CACNA1E: variants seen among roughly 807,000 people sequenced by gnomAD.
CACNA1E encodes the protein voltage-dependent R-type calcium channel subunit alpha-1E.
In CACNA1E, 40 loss-of-function variants were observed where a neutral mutation model predicts 259.2. That is an observed-to-expected ratio of 0.15 (90% CI 0.12 to 0.20). CACNA1E has a LOEUF of 0.20. Ranked by LOEUF, CACNA1E falls within the 10% of genes least tolerant of loss-of-function variation. The pLI, the probability that CACNA1E is intolerant of heterozygous loss-of-function variation, is 1.00. For synonymous variants in CACNA1E, 1,104 were observed against 1,138.5 expected, an observed-to-expected ratio of 0.97 and a Z score of 0.61; for missense variants, 1,874 against 3,040.1, an observed-to-expected ratio of 0.62 and a Z score of 9.02.
At chr1:181,742,350 T>C (rs1656659934) in intron 25 of CACNA1E, among the ~76,000 whole-genome samples, 1 of 152,158 alleles carries the variant, frequency 6.6e-6, no homozygotes, top group Non-Finnish European at 1.5e-5. Flanking sequence ...AAGCCAAATG[T>C]GGGGTTGTCT....
intron 20 of CACNA1E, 33 bp downstream of exon 20, chr1:181,733,067 C>T: frequency 6.5e-7 from 1 of 1,535,808 alleles, no homozygotes; most frequent in Middle Eastern, 1.7e-4. Flanking sequence ...AGATGGATGG[C>T]ACACAGGCTG....
At chr1:181,524,362 G>A (rs1012335317) in intron 3 of CACNA1E, among the ~76,000 whole-genome samples, 3 of 152,208 alleles carry the variant, frequency 2.0e-5, no homozygotes, top group African/African-American at 7.2e-5. Context: ...AAGGCAGCTG[G>A]GAACAATGTG....
chr1:181,752,051 C>T, intron 26 of CACNA1E, 92 bp from the exon 27 acceptor site: 1 of 924,386 alleles, frequency 1.1e-6, no homozygotes, highest in African/African-American at 1.6e-5. Context: ...CATCTCTCCC[C>T]TTTTAGCCTG....
intron 7 of CACNA1E, among the ~76,000 whole-genome samples, chr1:181,702,067 T>C (rs186289444): frequency 3.1e-4 from 47 of 152,282 alleles, no homozygotes; most frequent in Middle Eastern, 3.4e-3. Flanking sequence ...GAGAATTTGG[T>C]GCTATTGAGC....
chr1:181,438,266 G>A (rs919561958), intron 2 of CACNA1E, among the ~76,000 whole-genome samples: 108 of 152,270 alleles, frequency 7.1e-4, no homozygotes, highest in African/African-American at 2.6e-3. Context: ...AGGAGTTTTG[G>A]TCTCATAATG....
At chr1:181,554,278 G>C (rs1377359910) in intron 3 of CACNA1E, among the ~76,000 whole-genome samples, 1 of 152,150 alleles carries the variant, frequency 6.6e-6, no homozygotes, top group Admixed American at 6.5e-5. Context: ...TTCCCAAAGT[G>C]CTTGGGATTA....
chr1:181,690,682 G>A (rs1330218431), intron 7 of CACNA1E, among the ~76,000 whole-genome samples: 2 of 152,056 alleles, frequency 1.3e-5, no homozygotes, highest in African/African-American at 4.8e-5. Context: ...TCCTTGAAGA[G>A]GTCCTTCACA....
At chr1:181,659,726 T>C (rs1341669294) in intron 7 of CACNA1E, among the ~76,000 whole-genome samples, 1 of 152,224 alleles carries the variant, frequency 6.6e-6, no homozygotes, top group Non-Finnish European at 1.5e-5. Flanking sequence ...CCTTTGCTTT[T>C]GTGATCATAT....
intron 2 of CACNA1E, among the ~76,000 whole-genome samples, chr1:181,444,375 T>G (rs1558009589): frequency 6.7e-6 from 1 of 148,654 alleles, no homozygotes; most frequent in African/African-American, 2.5e-5. Context: ...GTGGGAGAGA[T>G]GGAGAAGGAG....
intron 3 of CACNA1E, among the ~76,000 whole-genome samples, chr1:181,568,467 G>A (rs1021881332): frequency 1.6e-4 from 25 of 152,186 alleles, no homozygotes; most frequent in African/African-American, 6.0e-4. Context: ...GGTTAACCTG[G>A]TGTTCCATTG....
intron 1 of CACNA1E, among the ~76,000 whole-genome samples, chr1:181,330,242 A>G (rs1651148981): frequency 6.6e-6 from 1 of 152,094 alleles, no homozygotes; most frequent in African/African-American, 2.4e-5. Flanking sequence ...CTATGAAGGC[A>G]TCCCGGCACC....
chr1:181,630,342 G>A (rs909262883), intron 6 of CACNA1E, among the ~76,000 whole-genome samples: 1 of 151,320 alleles, frequency 6.6e-6, no homozygotes, highest in African/African-American at 2.4e-5. Flanking sequence ...TCTTCCTGAG[G>A]GCTTTGTCTT....
At chr1:181,741,795 C>T (rs931185672) in intron 25 of CACNA1E, among the ~76,000 whole-genome samples, 1 of 152,172 alleles carries the variant, frequency 6.6e-6, no homozygotes, top group Non-Finnish European at 1.5e-5. Flanking sequence ...CAGGGGAAGC[C>T]TTAACGGCCC....
At chr1:181,609,239 T>G (rs1654523529) in intron 6 of CACNA1E, among the ~76,000 whole-genome samples, 1 of 152,046 alleles carries the variant, frequency 6.6e-6, no homozygotes. Context: ...GCCCCCTGGG[T>G]GTAGGCCTGA....
chr1:181,501,150 T>C (rs1665215469), intron 1 of CACNA1E, among the ~76,000 whole-genome samples: 1 of 152,254 alleles, frequency 6.6e-6, no homozygotes, highest in Non-Finnish European at 1.5e-5. Context: ...CAATCATTTG[T>C]CTGCTGTTCA....
rs557304943 is a variant in CACNA1E at position 181,430,062 on chromosome 1, C to T, written c.434+16482C>T. Among the ~76,000 whole-genome samples, 49 of 152,302 alleles carry T rather than the reference C, an allele frequency of 3.2e-4. No homozygotes were observed. The South Asian group carries it at 0.01, about 32-fold the overall frequency. On this transcript the variant is annotated intron_variant, in intron 2 of 11. Coordinates refer to the CACNA1E transcript ENST00000524607. Reference sequence around the variant, plus strand: ...GATCATCTGATGACCTCTACATACTCTTTTCTGGGACTAAGCTGCCTTTCT... The same window carrying T: ...GATCATCTGATGACCTCTACATACTTTTTTCTGGGACTAAGCTGCCTTTCT...
chr1:181,607,790 T>A (rs1261277533), intron 6 of CACNA1E, among the ~76,000 whole-genome samples: 1 of 152,162 alleles, frequency 6.6e-6, no homozygotes, highest in Non-Finnish European at 1.5e-5. Flanking sequence ...GAAAGTTTCC[T>A]GCAGGAGGTG....
intron 7 of CACNA1E, among the ~76,000 whole-genome samples, chr1:181,672,726 T>G (rs998477423): frequency 2.6e-5 from 4 of 152,244 alleles, no homozygotes; most frequent in African/African-American, 9.6e-5. Context: ...GTGCTGGTCA[T>G]GTTCACAGAC....
intron 2 of CACNA1E, among the ~76,000 whole-genome samples, chr1:181,472,733 G>A (rs367678525): frequency 9.9e-5 from 15 of 152,050 alleles, no homozygotes; most frequent in African/African-American, 2.9e-4. Flanking sequence ...GTGTGTGTGC[G>A]CGCGCACTTG....
Sources: gnomAD v4.1 joint callset for allele counts (sites outside exome capture counted in the v4.1 genomes callset) on GRCh38, gnomAD v4.1.1 for gene constraint, MANE v1.5 for transcripts, NCBI Gene and HGNC (gene_info 2026-07-23, HGNC 2026-07-21) for gene names.